Variants in CPEB3 observed in about 807,000 individuals in gnomAD.
The protein encoded by CPEB3 is cytoplasmic polyadenylation element binding protein 3, also known as cytoplasmic polyadenylation element-binding protein 3.
Under a neutral mutation model 67.2 loss-of-function variants are expected in CPEB3, and 20 were observed. The ratio of observed to expected loss-of-function variants is 0.30; its 90% CI spans 0.21 to 0.43. The LOEUF is 0.43. CPEB3 is among the 20% of genes least tolerant of loss of function. The probability of loss-of-function intolerance (pLI) is 1.00; values close to 1 mark genes in which losing one functional copy is unlikely to be tolerated. For missense variants in CPEB3, 746 were observed against 968.6 expected (o/e 0.77, Z 3.05); for synonymous variants, 376 against 393.1 (o/e 0.96, Z 0.51).
chr10:92,112,794 C>T (rs1400867538), intron 6 of CPEB3, among the ~76,000 whole-genome samples: 1 of 152,192 alleles, frequency 6.6e-6, no homozygotes, highest in African/African-American at 2.4e-5. Flanking sequence ...TCAAAGGAAA[C>T]CATCATCAAC....
chr10:92,216,705 G>C (rs1387298735), intron 2 of CPEB3: 1 of 1,605,928 alleles, frequency 6.2e-7, no homozygotes, highest in African/African-American at 1.3e-5. Context: ...CGCCCCACCT[G>C]TGTGATAATG....
intron 2 of CPEB3, among the ~76,000 whole-genome samples, chr10:92,218,315 G>A (rs565062191): frequency 3.9e-5 from 6 of 152,312 alleles, no homozygotes; most frequent in African/African-American, 1.4e-4. Flanking sequence ...GCTAAGGCAG[G>A]AGAATCGCCT....
Position 92,211,343 on chromosome 10 carries a change from T to C in CPEB3, c.1006-18707A>G, listed in dbSNP as rs189445612. Among the ~76,000 whole-genome samples the C allele has an allele frequency of 1.4e-3, 210 of 152,304 alleles. 2 individuals carry two copies. Among genetic ancestry groups the C allele is most frequent in the African/African-American group, 4.8e-3 (199 of 41,572 alleles). On this transcript the variant is annotated intron_variant, in intron 2 of 9. Coordinates refer to ENST00000265997, the MANE Select transcript of CPEB3 (RefSeq NM_014912.5). The stretch of plus-strand genomic sequence containing the variant: ...TTGTAAATTATAGATTATATCTCTG[T>C]ATATGTGTATTAATAATGGCATGCT...
In CPEB3 at chr10:92,143,015, T is replaced by C. The variant is rs752166666; in HGVS notation, c.1453+14A>G. The C allele has an allele frequency of 7.5e-6, 12 of 1,597,534 alleles. No homozygotes were observed. The East Asian group carries it at 2.5e-4, about 33-fold the overall frequency. On this transcript the variant is annotated intron_variant, in intron 6 of 9. Coordinates refer to ENST00000265997, the MANE Select transcript of CPEB3 (RefSeq NM_014912.5). ...TCCAACAGGCAAGCAGTGGAAACAT[T>C]TTAAGAGCATTACCTTTAGGAGGAA...
At chr10:92,053,277 C>CA (rs764401225) in intron 9 of CPEB3, among the ~76,000 whole-genome samples, 3 of 151,284 alleles carry the variant, frequency 2.0e-5, no homozygotes, top group Non-Finnish European at 4.4e-5. Context: ...GACTGAAAAC[C>CA]AAAAAAAGAA....
chr10:92,095,575 T>C (rs1843819960), intron 7 of CPEB3, among the ~76,000 whole-genome samples: 1 of 127,904 alleles, frequency 7.8e-6, no homozygotes, highest in Non-Finnish European at 1.5e-5. Context: ...TATTTTCTGG[T>C]CCTGATTTAT....
At chr10:92,170,673 G>A (rs1350880211) in intron 4 of CPEB3, among the ~76,000 whole-genome samples, 1 of 152,164 alleles carries the variant, frequency 6.6e-6, no homozygotes, top group East Asian at 1.9e-4. Flanking sequence ...AAGGAAGGGA[G>A]GGAGGGAGAG....
chr10:92,114,877 C>CTT (rs1844926902), intron 6 of CPEB3, among the ~76,000 whole-genome samples: 1 of 152,222 alleles, frequency 6.6e-6, no homozygotes, highest in Non-Finnish European at 1.5e-5. Flanking sequence ...ACTAGGAAGT[C>CTT]ATGTGAGTAT....
chr10:92,241,722 T>G (rs1434520795), intron 1 of CPEB3, among the ~76,000 whole-genome samples: 1 of 152,200 alleles, frequency 6.6e-6, no homozygotes, highest in East Asian at 1.9e-4. Context: ...ACCCGGAGAC[T>G]GCCATACATG....
chr10:92,071,889 C>G (rs833385), intron 9 of CPEB3, among the ~76,000 whole-genome samples: 47,824 of 151,992 alleles, frequency 0.31, 9,310 homozygotes, highest in South Asian at 0.57. Flanking sequence ...ATTTAAAAAA[C>G]TGGATTTAGC....
At chr10:92,102,517 T>C (rs1844237820) in intron 7 of CPEB3, among the ~76,000 whole-genome samples, 1 of 152,218 alleles carries the variant, frequency 6.6e-6, no homozygotes, top group Non-Finnish European at 1.5e-5. Context: ...GCAGAGCCTA[T>C]TATCTGATGC....
At chr10:92,280,739 G>A (rs984710465) in intron 1 of CPEB3, among the ~76,000 whole-genome samples, 39 of 148,162 alleles carry the variant, frequency 2.6e-4, no homozygotes, top group African/African-American at 8.2e-4. Flanking sequence ...GCTAATAGAC[G>A]GTGAGCATCT....
At chr10:92,229,362 T>A (rs1348658247) in intron 2 of CPEB3, among the ~76,000 whole-genome samples, 1 of 152,144 alleles carries the variant, frequency 6.6e-6, no homozygotes, top group Non-Finnish European at 1.5e-5. Context: ...AGTGTTATTG[T>A]CAAAATTATC....
At chr10:92,073,376 A>G (rs1842824133) in intron 9 of CPEB3, among the ~76,000 whole-genome samples, 1 of 151,930 alleles carries the variant, frequency 6.6e-6, no homozygotes, top group African/African-American at 2.4e-5. Flanking sequence ...TTCAGAGGCC[A>G]GGCACAGTGA....
intron 2 of CPEB3, among the ~76,000 whole-genome samples, chr10:92,206,230 C>T (rs746841426): frequency 6.6e-6 from 1 of 151,996 alleles, no homozygotes; most frequent in African/African-American, 2.4e-5. Flanking sequence ...CGCCACCACG[C>T]CCGGCTAATT....
chr10:92,057,701 C>T (rs1432567393), intron 9 of CPEB3, among the ~76,000 whole-genome samples: 1 of 152,224 alleles, frequency 6.6e-6, no homozygotes, highest in Admixed American at 6.5e-5. Flanking sequence ...GTGGTGGTGG[C>T]CACAGGGGTG....
At chr10:92,136,420 A>G (rs1201285570) in intron 6 of CPEB3, among the ~76,000 whole-genome samples, 1 of 152,220 alleles carries the variant, frequency 6.6e-6, no homozygotes, top group Non-Finnish European at 1.5e-5. Flanking sequence ...AATGGGAGAA[A>G]ATAGTTACAA....
intron 2 of CPEB3, among the ~76,000 whole-genome samples, chr10:92,194,837 C>T (rs959045968): frequency 6.6e-6 from 1 of 151,918 alleles, no homozygotes; most frequent in Admixed American, 6.6e-5. Context: ...GTCAGGAGAT[C>T]GAGACCATCC....
intron 3 of CPEB3, among the ~76,000 whole-genome samples, chr10:92,185,737 C>T (rs1001114601): frequency 6.6e-6 from 1 of 152,092 alleles, no homozygotes; most frequent in African/African-American, 2.4e-5. Flanking sequence ...AAAGACTTAC[C>T]AGGTAAAATG....
Sources: gnomAD v4.1 joint callset for allele counts (sites outside exome capture counted in the v4.1 genomes callset) on GRCh38, gnomAD v4.1.1 for gene constraint, MANE v1.5 for transcripts, NCBI Gene and HGNC (gene_info 2026-07-23, HGNC 2026-07-21) for gene names.